SH3GL1: variants seen among roughly 807,000 people sequenced by gnomAD.
SH3GL1 encodes the protein SH3 domain containing GRB2 like 1, endophilin A2.
In SH3GL1, 21 loss-of-function variants were observed where a neutral mutation model predicts 48.8. That is an observed-to-expected ratio of 0.43 (90% CI 0.30 to 0.62). The LOEUF is 0.62. Ranked by LOEUF, SH3GL1 falls within the 20% of genes least tolerant of loss-of-function variation. The pLI, the probability that SH3GL1 is intolerant of heterozygous loss-of-function variation, is 0.11. For missense variants in SH3GL1, 454 were observed against 503.0 expected (o/e 0.90, Z 0.93); for synonymous variants, 282 against 217.5 (o/e 1.30, Z -2.61).
At chr19:4,374,846 C>T (rs1193521785) in intron 1 of SH3GL1, among the ~76,000 whole-genome samples, 1 of 152,032 alleles carries the variant, frequency 6.6e-6, no homozygotes, top group African/African-American at 2.4e-5. Context: ...GGGGAGGCTG[C>T]GGGCTGCGCC....
chr19:4,362,373 A>G lies in SH3GL1; in HGVS notation c.866T>C (p.Phe289Ser). Residue 289 changes from phenylalanine to serine, a missense_variant, in exon 9 of 10, where the codon TTC becomes TCC. Coordinates refer to ENST00000269886, the MANE Select transcript of SH3GL1 (RefSeq NM_003025.4). Reference sequence around the variant, plus strand: ...CCGGATGGGCTTGTCGGAAGATCGGAAAGACGATGAAGCTAAACACAAGCA... The same window carrying G: ...CCGGATGGGCTTGTCGGAAGATCGGGAAGACGATGAAGCTAAACACAAGCA... ...TAPKIAASSS[F>S]RSSDKPIRTP... The G allele has an allele frequency of 3.7e-6, 6 of 1,611,776 alleles. No individual in the cohort carries two copies. The highest frequency in any genetic ancestry group is 5.1e-6 in the Non-Finnish European group (6 of 1,178,876).
chr19:4,394,636 CGA>C (rs1343888658), intron 1 of SH3GL1, among the ~76,000 whole-genome samples: 4 of 152,286 alleles, frequency 2.6e-5, no homozygotes, highest in African/African-American at 9.6e-5. Flanking sequence ...TTATCACCAA[CGA>C]GAGATCAGAA....
chr19:4,387,832 C>T (rs542959163), intron 1 of SH3GL1, among the ~76,000 whole-genome samples: 1 of 152,098 alleles, frequency 6.6e-6, no homozygotes, highest in East Asian at 1.9e-4. Context: ...TACAGATATG[C>T]ATTACTACGC....
At chr19:4,393,663 G>C (rs1215606406) in intron 1 of SH3GL1, among the ~76,000 whole-genome samples, 1 of 151,812 alleles carries the variant, frequency 6.6e-6, no homozygotes, top group Non-Finnish European at 1.5e-5. Flanking sequence ...GGTGGTATGT[G>C]CCTGTAATCC....
In SH3GL1 at chr19:4,360,479, TCTGA is replaced by T. The variant is rs2144848973; in HGVS notation, c.*1117_*1120del. 1.3e-5 allele frequency: 3 copies of T among 233,852 alleles called. No homozygotes were observed. In the South Asian group the frequency reaches 5.3e-4, roughly 41 times the overall value. 14.5% of individuals were successfully genotyped at this position (233,852 alleles called of 1,614,324 possible). On this transcript the variant is annotated 3_prime_UTR_variant, in exon 10 of 10. Transcript: ENST00000269886. ...CTCATCTCTGCGCCCCTCATGTACT[TCTGA>T]CGAGGGGGGTGCAGGGCAGGGCAGA...
chr19:4,376,721 C>T lies in SH3GL1; in HGVS notation c.46-9727G>A, dbSNP rs1253087634. 1.3e-5 allele frequency among the ~76,000 whole-genome samples: 2 copies of T among 152,134 alleles called. No individual in the cohort carries two copies. The highest frequency in any genetic ancestry group is 2.4e-5 in the African/African-American group (1 of 41,410). Reference sequence around the variant, plus strand: ...TGGATCTTCCCATGCTGGGTCTTAGCCACCAGGGCTCTGTCCATCCAAATG... The same window carrying T: ...TGGATCTTCCCATGCTGGGTCTTAGTCACCAGGGCTCTGTCCATCCAAATG... On this transcript the variant is annotated intron_variant, in intron 1 of 9. Coordinates refer to ENST00000269886, the MANE Select transcript of SH3GL1 (RefSeq NM_003025.4). This position sits in a 1 kb window ranked among gnomAD's most constrained non-coding sequence, Gnocchi z 4.3.
intron 8 of SH3GL1, 113 bp downstream of exon 8, chr19:4,362,499 G>T (rs1043076634): frequency 4.4e-6 from 7 of 1,574,624 alleles, no homozygotes; most frequent in Admixed American, 1.8e-5. Flanking sequence ...GATGGAGCAC[G>T]GCTGAGAGCT....
At chr19:4,362,884 G>C in intron 7 of SH3GL1, 148 bp from the exon 8 acceptor site, 1 of 1,306,428 alleles carries the variant, frequency 7.7e-7, no homozygotes, top group Non-Finnish European at 1.1e-6. Context: ...CTGGGACACA[G>C]CTAGACTGGG....
chr19:4,385,060 C>T (rs189538315), intron 1 of SH3GL1, among the ~76,000 whole-genome samples: 1,597 of 149,304 alleles, frequency 0.011, 92 homozygotes, highest in Admixed American at 0.096. Flanking sequence ...GCTGAGATTG[C>T]GCCATTGCAC....
chr19:4,370,580 G>A (rs1413212691), intron 1 of SH3GL1, among the ~76,000 whole-genome samples: 1 of 152,306 alleles, frequency 6.6e-6, no homozygotes, highest in East Asian at 1.9e-4. Context: ...CAAACCCCGA[G>A]TGACCAACCG....
chr19:4,382,509 G>C (rs1365414826), intron 1 of SH3GL1, among the ~76,000 whole-genome samples: 4 of 151,382 alleles, frequency 2.6e-5, no homozygotes, highest in Admixed American at 6.6e-5. Context: ...CGCCTGCCTC[G>C]GCCTCCCAAA....
chr19:4,388,768 C>A (rs368722159), intron 1 of SH3GL1, among the ~76,000 whole-genome samples: 2 of 152,344 alleles, frequency 1.3e-5, no homozygotes, highest in East Asian at 3.9e-4. Context: ...AAGCAGGCGT[C>A]TGGGCTTGGC....
Position 4,389,800 on chromosome 19 carries a change from T to C in SH3GL1, c.45+10524A>G, listed in dbSNP as rs73918208. Among the ~76,000 whole-genome samples, 3,671 of 152,264 alleles carry C rather than the reference T, an allele frequency of 0.024. 141 individuals carry two copies. The highest frequency in any genetic ancestry group is 0.085 in the African/African-American group (3,510 of 41,534). Reference sequence around the variant, plus strand: ...CACAAATGCCTGGCTCCGGCGGCAATGGGCTCATATTCCAGTGGCAACGGC... The same window carrying C: ...CACAAATGCCTGGCTCCGGCGGCAACGGGCTCATATTCCAGTGGCAACGGC... On this transcript the variant is annotated intron_variant, in intron 1 of 9. Transcript: ENST00000269886. This position sits in a 1 kb window ranked among gnomAD's most constrained non-coding sequence, Gnocchi z 4.5.
At chr19:4,363,570 G>C (rs989584675) in intron 6 of SH3GL1, 97 bp from the exon 7 acceptor site, 5 of 1,377,672 alleles carry the variant, frequency 3.6e-6, no homozygotes, top group African/African-American at 4.1e-5. Flanking sequence ...AGGGGGCTGA[G>C]AGGGGACAGG....
chr19:4,365,463 T>G lies in SH3GL1; in HGVS notation c.331+19A>C, dbSNP rs1007581127. Reference sequence around the variant, plus strand: ...GCCTCCAGGGACGGTGGGCGTGGCTTCCAGAGAGCACCACTCACCAAAGTT... The same window carrying G: ...GCCTCCAGGGACGGTGGGCGTGGCTGCCAGAGAGCACCACTCACCAAAGTT... On this transcript the variant is annotated intron_variant, in intron 4 of 9. Coordinates refer to ENST00000269886, the MANE Select transcript of SH3GL1 (RefSeq NM_003025.4). 2.5e-6 allele frequency: 4 copies of G among 1,612,944 alleles called. No homozygotes were observed. The Admixed American group carries it at 6.7e-5, about 27-fold the overall frequency.
In SH3GL1 at chr19:4,362,957, G is replaced by A. The variant is rs189280739; in HGVS notation, c.729-221C>T. 4.2e-3 allele frequency among the ~76,000 whole-genome samples: 642 copies of A among 152,210 alleles called. 6 individuals are homozygous for A. Among genetic ancestry groups the A allele is most frequent in the Admixed American group, 6.1e-3 (94 of 15,290 alleles). ...TTGGAGGCATCCCAGAGATTGCCAA[G>A]CAGCTGGGGCCTGCCACAGCATCTA... On this transcript the variant is annotated intron_variant, in intron 7 of 9. Coordinates refer to ENST00000269886, the MANE Select transcript of SH3GL1 (RefSeq NM_003025.4).
intron 1 of SH3GL1, among the ~76,000 whole-genome samples, chr19:4,371,586 G>A (rs887173889): frequency 7.9e-5 from 12 of 152,212 alleles, no homozygotes; most frequent in African/African-American, 2.2e-4. Flanking sequence ...GAAAGCCAGC[G>A]TGGGGGAGGG....
chr19:4,362,053 G>C (rs1234721883), intron 9 of SH3GL1, among the ~76,000 whole-genome samples: 1 of 152,228 alleles, frequency 6.6e-6, no homozygotes, highest in South Asian at 2.1e-4. Flanking sequence ...TGCTGCTGCG[G>C]TGACAGGGAG....
At chr19:4,374,920 G>T (rs570858157) in intron 1 of SH3GL1, among the ~76,000 whole-genome samples, 1 of 152,212 alleles carries the variant, frequency 6.6e-6, no homozygotes, top group Non-Finnish European at 1.5e-5. Flanking sequence ...CTCACCGCCC[G>T]TCTGGCAGAA....
Sources: gnomAD v4.1 joint callset for allele counts (sites outside exome capture counted in the v4.1 genomes callset) on GRCh38, gnomAD v4.1.1 for gene constraint, Gnocchi (gnomAD v3.1) non-coding constraint, MANE v1.5 for transcripts, NCBI Gene and HGNC (gene_info 2026-07-23, HGNC 2026-07-21) for gene names.